The following SMOC2 variants were observed in gnomAD, a reference collection of about 807,000 sequenced individuals.
The protein encoded by SMOC2 is SPARC-related modular calcium-binding protein 2.
In SMOC2, 39 loss-of-function variants were observed where a neutral mutation model predicts 61.4. The observed-to-expected ratio is 0.64, with a 90% CI of 0.49 to 0.83. The LOEUF is 0.83. SMOC2 is among the 40% of genes least tolerant of loss of function. SMOC2 has a pLI of 0.00. For missense variants in SMOC2, 556 were observed against 592.9 expected (o/e 0.94, Z 0.65); for synonymous variants, 247 against 239.9 (o/e 1.03, Z -0.27).
intron 9 of SMOC2, among the ~76,000 whole-genome samples, chr6:168,609,616 T>C (rs900403511): frequency 3.3e-5 from 5 of 152,176 alleles, no homozygotes; most frequent in Non-Finnish European, 7.3e-5. Context: ...TCTGGTGTCA[T>C]CTCTTGTCTC....
intron 4 of SMOC2, among the ~76,000 whole-genome samples, chr6:168,531,119 G>A (rs948011751): frequency 7.9e-5 from 12 of 152,158 alleles, no homozygotes; most frequent in African/African-American, 2.9e-4. Flanking sequence ...TCTGAGGGAT[G>A]CATCCAGAGG....
chr6:168,520,611 C>T (rs1404394934), intron 2 of SMOC2, among the ~76,000 whole-genome samples: 1 of 152,244 alleles, frequency 6.6e-6, no homozygotes, highest in Non-Finnish European at 1.5e-5. Flanking sequence ...CTAGCTGCTC[C>T]TTCCATATCG....
intron 2 of SMOC2, among the ~76,000 whole-genome samples, chr6:168,524,117 T>C (rs1006376053): frequency 5.3e-5 from 8 of 152,120 alleles, no homozygotes; most frequent in Non-Finnish European, 1.0e-4. Context: ...GAGTGCTCAT[T>C]CTCTGGCAAT....
intron 1 of SMOC2, among the ~76,000 whole-genome samples, chr6:168,478,371 G>C (rs535734923): frequency 6.6e-5 from 10 of 152,290 alleles, no homozygotes; most frequent in African/African-American, 2.2e-4. Context: ...TGGTATACTA[G>C]AGACAGAGTT....
intron 9 of SMOC2, among the ~76,000 whole-genome samples, chr6:168,617,639 G>A (rs555633760): frequency 6.6e-6 from 1 of 152,286 alleles, no homozygotes; most frequent in South Asian, 2.1e-4. Flanking sequence ...CTTCCTCCAG[G>A]CGAGTTTCCA....
intron 7 of SMOC2, among the ~76,000 whole-genome samples, chr6:168,582,733 GTGTTTCCACC>G (rs1198813994): frequency 6.6e-6 from 1 of 152,222 alleles, no homozygotes; most frequent in Admixed American, 6.5e-5. Flanking sequence ...GCGTCACGCG[GTGTTTCCACC>G]TGTTTGGAGC....
intron 1 of SMOC2, among the ~76,000 whole-genome samples, chr6:168,474,403 C>T (rs1782033232): frequency 1.3e-5 from 2 of 152,094 alleles, no homozygotes; most frequent in Non-Finnish European, 1.5e-5. Context: ...TCCACCCTCT[C>T]GTGATTTTGT....
chr6:168,542,485 T>A (rs1171490467), intron 4 of SMOC2, among the ~76,000 whole-genome samples: 2 of 152,238 alleles, frequency 1.3e-5, no homozygotes, highest in Non-Finnish European at 2.9e-5. Context: ...ATATGCAGCC[T>A]GCAGGGAAAC....
At chr6:168,540,942 G>A (rs1783864672) in intron 4 of SMOC2, among the ~76,000 whole-genome samples, 1 of 152,244 alleles carries the variant, frequency 6.6e-6, no homozygotes, top group Middle Eastern at 3.4e-3. Context: ...CCTGGGAAGG[G>A]CGTCTGGAAG....
intron 9 of SMOC2, among the ~76,000 whole-genome samples, chr6:168,618,473 C>T (rs9346558): frequency 0.2 from 25,969 of 131,798 alleles, 3,748 homozygotes; most frequent in Non-Finnish European, 0.24. Context: ...GGAGGAGAGG[C>T]GGGTAGTGGC....
intron 9 of SMOC2, among the ~76,000 whole-genome samples, chr6:168,614,812 T>C (rs370148440): frequency 0.035 from 778 of 22,182 alleles, no homozygotes; most frequent in Admixed American, 0.044. Flanking sequence ...GGCCTCTTCA[T>C]ACCTACAGCC....
chr6:168,653,444 G>T (rs1787250020), intron 11 of SMOC2, among the ~76,000 whole-genome samples: 1 of 152,266 alleles, frequency 6.6e-6, no homozygotes, highest in Admixed American at 6.5e-5. Flanking sequence ...GGCTCAAAGG[G>T]CATGAACTGC....
intron 1 of SMOC2, among the ~76,000 whole-genome samples, chr6:168,455,256 G>A (rs1583028340): frequency 6.6e-6 from 1 of 152,326 alleles, no homozygotes; most frequent in Admixed American, 6.5e-5. Context: ...TTGGGGTCTG[G>A]TCTATGAGTT....
At chr6:168,458,904 C>T (rs145045272) in intron 1 of SMOC2, among the ~76,000 whole-genome samples, 3 of 152,296 alleles carry the variant, frequency 2.0e-5, no homozygotes, top group East Asian at 1.9e-4. Context: ...ATTGTATTAA[C>T]TGTGTGTTGG....
intron 1 of SMOC2, among the ~76,000 whole-genome samples, chr6:168,444,173 C>T (rs953564915): frequency 2.0e-5 from 3 of 152,202 alleles, no homozygotes; most frequent in African/African-American, 4.8e-5. Context: ...TATCTGTGGA[C>T]TTTGTGGGAG....
In SMOC2 at chr6:168,592,652, T is replaced by C. The variant is rs562942622; in HGVS notation, c.638-6166T>C. Reference sequence around the variant, plus strand: ...CACGGGCATCTTTCTAGAGGATCGCTGAGCTCCTCCTCCTTCCTGAGGCCT... The same window carrying C: ...CACGGGCATCTTTCTAGAGGATCGCCGAGCTCCTCCTCCTTCCTGAGGCCT... On this transcript the variant is annotated intron_variant, in intron 7 of 12. Transcript: ENST00000356284. Among the ~76,000 whole-genome samples, 530 of 65,478 alleles carry C rather than the reference T, an allele frequency of 8.1e-3. 4 individuals carry two copies. The highest frequency in any genetic ancestry group is 0.015 in the African/African-American group (290 of 19,122). The allele number at this position is 65,478 out of a possible 152,430, so 43.0% of individuals were successfully genotyped here.
At chr6:168,655,951 C>G (rs957824474) in intron 11 of SMOC2, among the ~76,000 whole-genome samples, 13 of 151,290 alleles carry the variant, frequency 8.6e-5, no homozygotes, top group Admixed American at 8.6e-4. Flanking sequence ...GCTGGATCCC[C>G]CGTATGTGTG....
intron 9 of SMOC2, among the ~76,000 whole-genome samples, chr6:168,649,685 C>T (rs192113804): frequency 3.9e-5 from 6 of 152,302 alleles, no homozygotes; most frequent in Admixed American, 2.6e-4. Flanking sequence ...TTAAACCCGC[C>T]GATCTCATCG....
intron 9 of SMOC2, among the ~76,000 whole-genome samples, chr6:168,632,964 C>G (rs1359362099): frequency 1.3e-5 from 2 of 152,168 alleles, no homozygotes; most frequent in Admixed American, 6.5e-5. Context: ...GCGGCTTCCC[C>G]CTTCCCCAGG....
Sources: gnomAD v4.1 joint callset for allele counts (sites outside exome capture counted in the v4.1 genomes callset) on GRCh38, gnomAD v4.1.1 for gene constraint, MANE v1.5 for transcripts, NCBI Gene and HGNC (gene_info 2026-07-23, HGNC 2026-07-21) for gene names.